SMYD4: variants seen among roughly 807,000 people sequenced by gnomAD.
SMYD4 encodes the protein protein-lysine N-methyltransferase SMYD4.
Under a neutral mutation model 72.8 loss-of-function variants are expected in SMYD4, and 68 were observed. The ratio of observed to expected loss-of-function variants is 0.93; its 90% confidence interval spans 0.77 to 1.14. The LOEUF (loss-of-function observed/expected upper bound fraction) is 1.14. SMYD4 is among the 50% of genes most tolerant of loss of function. The probability of loss-of-function intolerance (pLI) is 0.00; values close to 1 mark genes in which losing one functional copy is unlikely to be tolerated. For missense variants in SMYD4, 984 were observed against 1,003.7 expected (o/e 0.98, Z 0.27); for synonymous variants, 407 against 388.6 (o/e 1.05, Z -0.56).
chr17:1,815,920 G>T (rs1394182289), intron 2 of SMYD4, among the ~76,000 whole-genome samples: 1 of 151,004 alleles, frequency 6.6e-6, no homozygotes, highest in Non-Finnish European at 1.5e-5. Context: ...CACTGGTCTT[G>T]AACTCCTGAC....
chr17:1,801,090 T>A, intron 4 of SMYD4, 66 bp from the exon 5 acceptor site: 1 of 1,446,450 alleles, frequency 6.9e-7, no homozygotes, highest in Non-Finnish European at 9.4e-7. Context: ...ACTGAAAATG[T>A]TTCCAAAAAT....
chr17:1,784,174 G>T, intron 8 of SMYD4, 152 bp downstream of exon 8: 1 of 1,218,224 alleles, frequency 8.2e-7, no homozygotes, highest in Non-Finnish European at 1.1e-6. Flanking sequence ...GTCAGGGTTT[G>T]GACTCACTGG....
In SMYD4 at chr17:1,787,611, G is replaced by T; in HGVS notation, c.1538-7C>A. The T allele has an allele frequency of 1.3e-6, 2 of 1,573,534 alleles. No individual in the cohort carries two copies. Among genetic ancestry groups the T allele is most frequent in the East Asian group, 2.3e-5 (1 of 43,244 alleles). On this transcript the variant is annotated splice_region_variant and splice_polypyrimidine_tract_variant and intron_variant, in intron 5 of 10. Transcript: ENST00000305513. The stretch of plus-strand genomic sequence containing the variant: ...ACGATGCTCCCTTTAGGTCCTGAAA[G>T]GGCAAGAGGAAAGAAGGAAAAAGGT...
At chr17:1,818,949 A>G (rs1283779644) in intron 2 of SMYD4, among the ~76,000 whole-genome samples, 1 of 150,574 alleles carries the variant, frequency 6.6e-6, no homozygotes, top group Admixed American at 6.6e-5. Context: ...CACCTGGCCA[A>G]TTACAATTTT....
At position 1,786,792 on chromosome 17, in the gene SMYD4, G is replaced by C. The variant is rs1460229264; in HGVS notation, c.1884+18C>G. Reference sequence around the variant, plus strand: ...ACTGACCTCCAGGAAAAGTGGAGGAGACAGAAGAGAGAATTACCTGCATGG... The same window carrying C: ...ACTGACCTCCAGGAAAAGTGGAGGACACAGAAGAGAGAATTACCTGCATGG... On this transcript the variant is annotated intron_variant, in intron 7 of 10. Coordinates refer to ENST00000305513, the MANE Select transcript of SMYD4 (RefSeq NM_052928.3). The C allele has an allele frequency of 6.2e-7, 1 of 1,613,932 alleles. No individual in the cohort carries two copies. The highest frequency in any genetic ancestry group is 1.3e-5 in the African/African-American group (1 of 75,058).
chr17:1,818,082 G>C (rs1028598712), intron 2 of SMYD4, among the ~76,000 whole-genome samples: 15 of 149,178 alleles, frequency 1.0e-4, no homozygotes, highest in Admixed American at 1.0e-3. Flanking sequence ...TACAATCTTA[G>C]CTCTTAACTT....
Position 1,829,776 on chromosome 17 carries a change from C to T in SMYD4, c.-63G>A, listed in dbSNP as rs998750087. ...GAGAACGCCTCGAGAACCGCTCAGA[C>T]GCGCCCGGAACTGCGCCCTGGTCTC... On this transcript the variant is annotated 5_prime_UTR_variant, in exon 1 of 11. Transcript: ENST00000305513. 2.7e-5 allele frequency: 6 copies of T among 221,300 alleles called. No individual in the cohort carries two copies. The highest frequency in any genetic ancestry group is 1.1e-4 in the East Asian group (1 of 9,462). The allele number at this position is 221,300 out of a possible 1,614,324, so 13.7% of individuals were successfully genotyped here. A position where few individuals can be genotyped will look rare whatever the true frequency, so the allele number is the denominator to read the frequency against.
chr17:1,810,964 T>C (rs1239429666), intron 3 of SMYD4, among the ~76,000 whole-genome samples: 1 of 152,172 alleles, frequency 6.6e-6, no homozygotes, highest in African/African-American at 2.4e-5. Flanking sequence ...CAATAAAACC[T>C]TGCACTCATT....
rs1039689797 is a variant in SMYD4 at position 1,785,491 on chromosome 17, G to A, written c.1885-1030C>T. Among the ~76,000 whole-genome samples, 5 of 151,110 alleles carry A rather than the reference G, an allele frequency of 3.3e-5. No homozygotes were observed. The East Asian group carries it at 7.8e-4, about 24-fold the overall frequency. ...AGAAAGGCTGGGCGTGGTGGCTCAC[G>A]CCTGTAATCCCAGCGCTTTGGGTGG... On this transcript the variant is annotated intron_variant, in intron 7 of 10. Coordinates refer to ENST00000305513, the MANE Select transcript of SMYD4 (RefSeq NM_052928.3).
Position 1,781,371 on chromosome 17 carries a change from G to A in SMYD4, c.2330C>T (p.Pro777Leu), listed in dbSNP as rs770179582. 1 of 1,614,096 alleles carries A rather than the reference G, an allele frequency of 6.2e-7. No individual in the cohort carries two copies. Among genetic ancestry groups the A allele is most frequent in the Non-Finnish European group, 8.5e-7 (1 of 1,180,020 alleles). The change falls in exon 11 of 11, where the codon CCA becomes CTA. Residue 777 changes from proline to leucine, a missense_variant. Physicochemically the swap from Pro to Leu is moderately conservative, Grantham distance 98 (BLOSUM62 -3). Transcript: ENST00000305513. ...GAGCTCCTGGATTTCATCGTCCCAT[G>A]GGCCACAGTGCAGCGACAGAACCTC... ...AEEVLSLHCGPWDDEIQELQK... is the reference protein window; with the variant it reads ...AEEVLSLHCGLWDDEIQELQK...
intron 2 of SMYD4, among the ~76,000 whole-genome samples, chr17:1,818,640 G>A (rs1910750150): frequency 6.6e-6 from 1 of 151,974 alleles, no homozygotes. Context: ...TTTTTAGATA[G>A]TGGTATAATT....
At chr17:1,810,996 G>A (rs1910303581) in intron 3 of SMYD4, among the ~76,000 whole-genome samples, 2 of 152,326 alleles carry the variant, frequency 1.3e-5, no homozygotes, top group Admixed American at 6.5e-5. Flanking sequence ...CGTGTGATCC[G>A]ATTCTTCCAG....
intron 1 of SMYD4, among the ~76,000 whole-genome samples, chr17:1,829,040 C>T (rs2151260456): frequency 6.6e-6 from 1 of 152,242 alleles, no homozygotes; most frequent in Non-Finnish European, 1.5e-5. Context: ...TGGCATTCTT[C>T]CTAGAGTGTT....
intron 3 of SMYD4, among the ~76,000 whole-genome samples, chr17:1,809,463 C>T (rs1485778547): frequency 6.6e-6 from 1 of 151,108 alleles, no homozygotes; most frequent in Non-Finnish European, 1.5e-5. Context: ...CAACCTCTGC[C>T]TCCCGGGTTC....
chr17:1,798,731 CT>C (rs1461058146), intron 5 of SMYD4, among the ~76,000 whole-genome samples: 2 of 152,046 alleles, frequency 1.3e-5, no homozygotes, highest in Admixed American at 6.6e-5. Context: ...AACCCCGTCT[CT>C]ACTAACAACA....
chr17:1,786,310 T>C (rs1309401757), intron 7 of SMYD4, among the ~76,000 whole-genome samples: 1 of 152,214 alleles, frequency 6.6e-6, no homozygotes, highest in Non-Finnish European at 1.5e-5. Flanking sequence ...AAAATGAAGC[T>C]GAGAGGGGTG....
rs1001778875 is a variant in SMYD4, at chr17:1,806,070, G to A, written c.280-1355C>T. On this transcript the variant is annotated intron_variant, in intron 3 of 10. Transcript: ENST00000305513. Reference sequence around the variant, plus strand: ...CCCCCGAGTAGCTGGGACTACAGGCGCCCGCCACCACGCCTGGCCAATTTT... The same window carrying A: ...CCCCCGAGTAGCTGGGACTACAGGCACCCGCCACCACGCCTGGCCAATTTT... 6.6e-5 allele frequency among the ~76,000 whole-genome samples: 10 copies of A among 151,580 alleles called. 1 individual carries two copies. The highest frequency in any genetic ancestry group is 1.7e-4 in the African/African-American group (7 of 41,408).
intron 2 of SMYD4, among the ~76,000 whole-genome samples, chr17:1,815,353 G>C (rs1227785903): frequency 6.6e-6 from 1 of 151,720 alleles, no homozygotes; most frequent in Non-Finnish European, 1.5e-5. Flanking sequence ...TTGAGTCACT[G>C]TGCCCAGAAT....
At chr17:1,799,005 C>T (rs2151232566) in intron 5 of SMYD4, among the ~76,000 whole-genome samples, 1 of 152,000 alleles carries the variant, frequency 6.6e-6, no homozygotes, top group Admixed American at 6.5e-5. Context: ...GGCACGGTGG[C>T]TCATGCCTAT....
Sources: allele counts gnomAD v4.1 joint callset (sites outside exome capture counted in the v4.1 genomes callset), GRCh38; gene constraint gnomAD v4.1.1; transcripts MANE v1.5; gene names NCBI Gene and HGNC (gene_info 2026-07-23, HGNC 2026-07-21).